Variants in KLF8 observed in about 807,000 individuals in gnomAD.
KLF8 encodes the protein Krueppel-like factor 8.
A neutral mutation model predicts 18.2 loss-of-function variants in KLF8; 10 were observed. The observed-to-expected ratio is 0.55, with a 90% confidence interval of 0.34 to 0.93. The LOEUF (loss-of-function observed/expected upper bound fraction) is 0.93. Among genes scored for constraint, KLF8 ranks in the 40% least tolerant of loss-of-function variants. KLF8 has a pLI of 0.02. For missense variants in KLF8, 264 were observed against 277.9 expected, an observed-to-expected ratio of 0.95 and a Z score of 0.36; for synonymous variants, 109 against 97.3, an observed-to-expected ratio of 1.12 and a Z score of -0.71.
chrX:56,174,328 G>T, the KLF8 span, among the ~76,000 whole-genome samples: 5 of 111,724 alleles, frequency 4.5e-5, no homozygotes, highest in Non-Finnish European at 7.5e-5. Context: ...TTTGTCAAAG[G>T]CCTTTTCTGC....
At chrX:56,186,847 T>A in the KLF8 span, among the ~76,000 whole-genome samples, 7 of 111,874 alleles carry the variant, frequency 6.3e-5, no homozygotes, top group Non-Finnish European at 1.1e-4. Flanking sequence ...AGACACAACA[T>A]ACCAGAATCT....
chrX:56,235,903 A>G (rs1371174695), intron 1 of KLF8, among the ~76,000 whole-genome samples: 2 of 112,242 alleles, frequency 1.8e-5, no homozygotes, highest in East Asian at 5.5e-4. Context: ...ATTTAAAAAA[A>G]TTTGTTTTAT....
chrX:56,188,683 T>G, the KLF8 span, among the ~76,000 whole-genome samples: 1 of 111,663 alleles, frequency 9.0e-6, no homozygotes, highest in South Asian at 3.8e-4. Context: ...TATAGATCAA[T>G]GAAACAGAAT....
At chrX:55,963,470 A>G in the KLF8 span, among the ~76,000 whole-genome samples, 2 of 111,655 alleles carry the variant, frequency 1.8e-5, no homozygotes, top group South Asian at 7.5e-4. Flanking sequence ...CACCCTTTGG[A>G]AAGAATCACT....
At chrX:56,056,557 C>G in the KLF8 span, among the ~76,000 whole-genome samples, 1 of 97,655 alleles carries the variant, frequency 1.0e-5, no homozygotes, top group East Asian at 3.3e-4. Context: ...GAACAAAAAA[C>G]CAAACACCGC....
chrX:56,100,031 T>C, the KLF8 span, among the ~76,000 whole-genome samples: 4 of 111,616 alleles, frequency 3.6e-5, no homozygotes, highest in Non-Finnish European at 7.5e-5. Flanking sequence ...GGGACTCTCA[T>C]ACCTAGAGAA....
chrX:56,141,115 C>T, the KLF8 span, among the ~76,000 whole-genome samples: 2 of 111,501 alleles, frequency 1.8e-5, no homozygotes, highest in East Asian at 5.6e-4. Flanking sequence ...AGGCGCATGC[C>T]CCTACACCAG....
chrX:56,272,272 G>A (rs754845716), intron 5 of KLF8, among the ~76,000 whole-genome samples: 17 of 110,522 alleles, frequency 1.5e-4, no homozygotes, highest in African/African-American at 5.3e-4. Flanking sequence ...TTAGCCTGGC[G>A]TGATCTCGGA....
chrX:56,142,347 T>C, the KLF8 span, among the ~76,000 whole-genome samples: 3 of 111,507 alleles, frequency 2.7e-5, no homozygotes, highest in African/African-American at 3.3e-5. Flanking sequence ...AGTTTCTTTA[T>C]GTTACTTCTG....
At chrX:55,993,769 T>C in the KLF8 span, among the ~76,000 whole-genome samples, 1 of 111,529 alleles carries the variant, frequency 9.0e-6, no homozygotes, top group Non-Finnish European at 1.9e-5. Flanking sequence ...GGTTTTGTTT[T>C]TGTTTTCTTC....
chrX:56,264,874 T>C (rs1384096254), intron 2 of KLF8, among the ~76,000 whole-genome samples: 5 of 112,419 alleles, frequency 4.4e-5, no homozygotes, highest in Non-Finnish European at 3.8e-5. Context: ...CTGTACTTTA[T>C]TGATGTGTGC....
At chrX:56,066,123 C>A in the KLF8 span, among the ~76,000 whole-genome samples, 1 of 111,967 alleles carries the variant, frequency 8.9e-6, no homozygotes. Context: ...GAACAACACT[C>A]TGGCTCCCAG....
At chrX:55,923,161 A>G in the KLF8 span, among the ~76,000 whole-genome samples, 37 of 111,073 alleles carry the variant, frequency 3.3e-4, no homozygotes, top group African/African-American at 1.1e-3. Context: ...AAGAGATAAG[A>G]TCACGTCCTT....
the KLF8 span, among the ~76,000 whole-genome samples, chrX:56,092,360 A>C: frequency 9.0e-6 from 1 of 111,063 alleles, no homozygotes; most frequent in African/African-American, 3.3e-5. Context: ...TTGAGGTCTT[A>C]CTCATGTTTT....
the KLF8 span, among the ~76,000 whole-genome samples, chrX:56,080,701 G>T: frequency 6.3e-5 from 7 of 111,439 alleles, no homozygotes; most frequent in Admixed American, 5.7e-4. Flanking sequence ...GGCCTGCCTT[G>T]CTAGATTGGG....
At chrX:56,190,195 A>C in the KLF8 span, among the ~76,000 whole-genome samples, 4 of 111,322 alleles carry the variant, frequency 3.6e-5, no homozygotes, top group African/African-American at 1.3e-4. Flanking sequence ...CTTTTATCAG[A>C]CAAAGTAGAT....
chrX:56,029,890 G>A, the KLF8 span, among the ~76,000 whole-genome samples: 2 of 111,455 alleles, frequency 1.8e-5, no homozygotes, highest in African/African-American at 6.5e-5. Context: ...CCTCCTTATG[G>A]CTTTCTCTGC....
intron 1 of KLF8, among the ~76,000 whole-genome samples, chrX:56,244,434 C>T (rs1473742634): frequency 7.2e-5 from 8 of 111,306 alleles, no homozygotes; most frequent in South Asian, 3.8e-4. Context: ...GTTATCCTCC[C>T]GCCTTGGCCT....
chrX:56,041,639 T>C, the KLF8 span, among the ~76,000 whole-genome samples: 1 of 108,001 alleles, frequency 9.3e-6, no homozygotes, highest in South Asian at 4.2e-4. Flanking sequence ...GTTGAGATGT[T>C]AGGTTGATAA....
Sources: allele counts gnomAD v4.1 joint callset (sites outside exome capture counted in the v4.1 genomes callset), GRCh38; gene constraint gnomAD v4.1.1; transcripts MANE v1.5; gene names NCBI Gene and HGNC (gene_info 2026-07-23, HGNC 2026-07-21).